Variants in C1orf54 observed in about 807,000 individuals in gnomAD.
The protein encoded by C1orf54 is uncharacterized protein C1orf54.
In C1orf54, 12 loss-of-function variants were observed where a neutral mutation model predicts 14.7. The observed-to-expected ratio is 0.82, with a 90% CI of 0.52 to 1.32. The LOEUF (loss-of-function observed/expected upper bound fraction) is 1.32, where lower values mean the gene tolerates loss of function less well. C1orf54 is among the 40% of genes most tolerant of loss of function. The probability of loss-of-function intolerance (pLI) is 0.00; values close to 1 mark genes in which losing one functional copy is unlikely to be tolerated. For missense variants in C1orf54, 163 were observed against 162.2 expected (o/e 1.00, Z -0.03); for synonymous variants, 65 against 56.3 (o/e 1.16, Z -0.70).
At chr1:150,272,891 T>A (rs1553851565) in intron 1 of C1orf54, 28 bp downstream of exon 1, 1 of 1,613,582 alleles carries the variant, frequency 6.2e-7, no homozygotes, top group Admixed American at 1.7e-5. Flanking sequence ...TCTGAGCTTT[T>A]GTGCCAGGTC....
At chr1:150,274,605 A>AAT (rs1429650340) in intron 2 of C1orf54, among the ~76,000 whole-genome samples, 1 of 148,876 alleles carries the variant, frequency 6.7e-6, no homozygotes, top group African/African-American at 2.5e-5. Flanking sequence ...ATCTCAAAAA[A>AAT]AAAAAATGAA....
chr1:150,274,277 A>G, intron 2 of C1orf54, 107 bp downstream of exon 2: 2 of 835,992 alleles, frequency 2.4e-6, no homozygotes, highest in Non-Finnish European at 1.9e-6. Context: ...GGGGTCAGAG[A>G]AAAATCTGGC....
chr1:150,273,145 C>T (rs1230310197), intron 1 of C1orf54, among the ~76,000 whole-genome samples: 1 of 152,092 alleles, frequency 6.6e-6, no homozygotes, highest in Non-Finnish European at 1.5e-5. Context: ...GGAAGTTGAA[C>T]AAGATGACAG....
chr1:150,272,999 G>A, intron 1 of C1orf54, 136 bp downstream of exon 1: 1 of 984,010 alleles, frequency 1.0e-6, no homozygotes, highest in Non-Finnish European at 1.6e-6. Flanking sequence ...CTGGGGTCCG[G>A]TGTTGAGGGC....
In C1orf54 at chr1:150,272,829, C is replaced by T; in HGVS notation, c.12C>T (p.Leu4=). The T allele has an allele frequency of 4.3e-6, 7 of 1,614,168 alleles. No individual in the cohort carries two copies. Among genetic ancestry groups the T allele is most frequent in the Non-Finnish European group, 5.9e-6 (7 of 1,180,034 alleles). The change falls in exon 1 of 6, where the codon CTC becomes CTT. Residue 4 remains leucine, a synonymous_variant. Transcript: ENST00000369099. ...GTGCAGAATCCAGAATGGATGTCCT[C>T]TTTGTAGCCATCTTTGCTGTGCCAC... MDV[L]FVAIFAVPLI... is the part of the protein sequence containing the mutation.
chr1:150,276,487 A>C (rs369921118), intron 3 of C1orf54, 35 bp from the exon 4 acceptor site: 2 of 1,541,022 alleles, frequency 1.3e-6, no homozygotes, highest in South Asian at 1.1e-5. Context: ...GGAAAAACTG[A>C]TAACTCTGTG....
upstream of C1orf54, chr1:150,272,603 C>T: frequency 1.7e-6 from 1 of 583,148 alleles, no homozygotes; most frequent in East Asian, 2.9e-5. Flanking sequence ...ATCAAAACCC[C>T]CTTTTGCCTC....
chr1:150,278,451 G>T (rs1553852910), intron 4 of C1orf54, among the ~76,000 whole-genome samples: 2 of 152,130 alleles, frequency 1.3e-5, no homozygotes, highest in Non-Finnish European at 2.9e-5. Context: ...GTGTCCTAAA[G>T]GTCACTGAAC....
chr1:150,270,793 G>A (rs1006153616), upstream of C1orf54, among the ~76,000 whole-genome samples: 13 of 151,616 alleles, frequency 8.6e-5, no homozygotes, highest in Non-Finnish European at 1.8e-4. Context: ...TCAGGAGATC[G>A]AGACCATCCT....
rs782530694 is a variant in C1orf54 at position 150,280,854 on chromosome 1, A to C, written c.*23A>C. 1.5e-5 allele frequency: 23 copies of C among 1,550,028 alleles called. 1 individual carries two copies. Among genetic ancestry groups the C allele is most frequent in the African/African-American group, 2.7e-5 (2 of 72,944 alleles). On this transcript the variant is annotated 3_prime_UTR_variant, in exon 6 of 6. Transcript: ENST00000369099. ...TTTTAGGTGGAAGAAGGCTGCTATG[A>C]CTCTTTGGATGGGAGTCTGGCAAGA...
chr1:150,270,136 G>A (rs1652092959), upstream of C1orf54, among the ~76,000 whole-genome samples: 1 of 152,140 alleles, frequency 6.6e-6, no homozygotes, highest in Non-Finnish European at 1.5e-5. Context: ...AAAGGAATCT[G>A]AGGATGGAAA....
upstream of C1orf54, chr1:150,272,696 GGGA>G (rs1652297263): frequency 9.2e-6 from 9 of 983,554 alleles, no homozygotes; most frequent in South Asian, 8.6e-5. Flanking sequence ...TCTGCCCCCT[GGGA>G]GGAGAAGAGT....
intron 4 of C1orf54, 102 bp downstream of exon 4, chr1:150,276,734 C>A: frequency 2.2e-6 from 2 of 890,802 alleles, no homozygotes; most frequent in Non-Finnish European, 3.7e-6. Flanking sequence ...ATGGGAGAAC[C>A]AAATAATTAG....
At chr1:150,275,920 T>G in intron 3 of C1orf54, 121 bp downstream of exon 3, 1 of 809,272 alleles carries the variant, frequency 1.2e-6, no homozygotes, top group Non-Finnish European at 1.9e-6. Flanking sequence ...GTGGATCATT[T>G]GAGGTCAAGA....
At chr1:150,279,810 G>A (rs1020414730) in intron 5 of C1orf54, 69 bp downstream of exon 5, 51 of 1,293,848 alleles carry the variant, frequency 3.9e-5, no homozygotes, top group South Asian at 1.2e-4. Context: ...ACACTAAACC[G>A]AAGTAATTCT....
upstream of C1orf54, chr1:150,272,787 T>C (rs781793103): frequency 6.2e-7 from 1 of 1,613,514 alleles, no homozygotes; most frequent in South Asian, 1.1e-5. Context: ...ATTTCCTTTT[T>C]TACTTTCACA....
chr1:150,268,815 G>A (rs757318043), upstream of C1orf54: 5 of 1,610,534 alleles, frequency 3.1e-6, no homozygotes, highest in Non-Finnish European at 4.2e-6. Context: ...CCCCATGGCT[G>A]GTCAGGTGGG....
At chr1:150,269,265 G>C (rs2101858037), upstream of C1orf54, 1 of 184,048 alleles carries the variant, frequency 5.4e-6, no homozygotes, top group Non-Finnish European at 1.2e-5. Flanking sequence ...TCACTTTGTG[G>C]GGAAAAGTGG....
At chr1:150,272,681 G>C (rs1451634406), upstream of C1orf54, 1 of 814,150 alleles carries the variant, frequency 1.2e-6, no homozygotes, top group African/African-American at 1.7e-5. Context: ...CAGTAGGCGG[G>C]GAGTTCTGCC....
Sources: gnomAD v4.1 joint callset for allele counts (sites outside exome capture counted in the v4.1 genomes callset) on GRCh38, gnomAD v4.1.1 for gene constraint, MANE v1.5 for transcripts, NCBI Gene and HGNC (gene_info 2026-07-23, HGNC 2026-07-21) for gene names.